The following ANKS3 variants were observed in gnomAD, a reference collection of about 807,000 sequenced individuals.
The protein encoded by ANKS3 is ankyrin repeat and sterile alpha motif domain containing 3, also known as ankyrin repeat and SAM domain-containing protein 3.
In ANKS3, 62 loss-of-function variants were observed where a neutral mutation model predicts 80.7. The observed-to-expected ratio is 0.77, with a 90% CI of 0.63 to 0.95. The LOEUF is 0.95. ANKS3 is among the 40% of genes least tolerant of loss of function. ANKS3 has a pLI of 0.00. For synonymous variants in ANKS3, 489 were observed against 355.3 expected (o/e 1.38, Z -4.23); for missense variants, 1,150 against 883.6 (o/e 1.30, Z -3.82).
intron 6 of ANKS3, among the ~76,000 whole-genome samples, chr16:4,723,849 CAAGACT>C (rs1177191997): frequency 1.3e-5 from 2 of 151,562 alleles, no homozygotes; most frequent in African/African-American, 4.9e-5. Context: ...CTCAGGAATT[CAAGACT>C]AGCCTGCACA....
chr16:4,709,636 G>C (rs2080382539), intron 7 of ANKS3, among the ~76,000 whole-genome samples: 1 of 152,130 alleles, frequency 6.6e-6, no homozygotes, highest in East Asian at 1.9e-4. Flanking sequence ...CAGACATAAA[G>C]AATGAAATCT....
chr16:4,705,002 ACATTTCAGGAGCCTAAGAGCTATTC>A, intron 8 of ANKS3, 68 bp downstream of exon 8: 2 of 1,514,340 alleles, frequency 1.3e-6, no homozygotes, highest in Non-Finnish European at 1.8e-6. Context: ...CCAGCGACCC[ACATTTCAGGAGCCTAAGAGCTATTC>A]CATTCTTGCC....
At chr16:4,699,341 A>G (rs371631249) in intron 11 of ANKS3, 165 bp from the exon 12 acceptor site, 1 of 912,990 alleles carries the variant, frequency 1.1e-6, no homozygotes, top group South Asian at 1.6e-5. Flanking sequence ...CAGGCAGGGC[A>G]GGATGTTGCA....
intron 5 of ANKS3, 71 bp from the exon 6 acceptor site, chr16:4,724,902 G>A: frequency 1.4e-6 from 2 of 1,407,040 alleles, no homozygotes; most frequent in South Asian, 2.4e-5. Context: ...CCCTGCTGAA[G>A]ATAAACCCTG....
At chr16:4,730,461 C>T (rs1323226370) in intron 2 of ANKS3, among the ~76,000 whole-genome samples, 1 of 152,186 alleles carries the variant, frequency 6.6e-6, no homozygotes, top group Non-Finnish European at 1.5e-5. Context: ...TCCACCAACT[C>T]TAGGAACCTG....
chr16:4,726,640 C>G lies in ANKS3; in HGVS notation c.491+19G>C. On this transcript the variant is annotated intron_variant, in intron 5 of 17. Transcript: ENST00000304283. ...GACACCTAGGCCACTCCTGTGGCCA[C>G]TAAAGATGTGGCAATCACCTCACGT... 3 of 1,612,008 alleles carry G rather than the reference C, an allele frequency of 1.9e-6. No individual in the cohort carries two copies. The highest frequency in any genetic ancestry group is 2.5e-6 in the Non-Finnish European group (3 of 1,178,436).
At chr16:4,730,220 C>T in intron 2 of ANKS3, 69 bp from the exon 3 acceptor site, 1 of 1,374,218 alleles carries the variant, frequency 7.3e-7, no homozygotes, top group South Asian at 1.7e-5. Context: ...CAGGCTGGTC[C>T]TGCCCCTGCT....
chr16:4,718,695 C>T (rs777582044), intron 6 of ANKS3, among the ~76,000 whole-genome samples: 1 of 152,208 alleles, frequency 6.6e-6, no homozygotes, highest in Non-Finnish European at 1.5e-5. Flanking sequence ...CCACCAGCAT[C>T]GCTGGCAGGC....
chr16:4,714,990 CAAAAAAAA>C lies in ANKS3; in HGVS notation c.574-812_574-805del, dbSNP rs753327026. On this transcript the variant is annotated intron_variant, in intron 6 of 17. Coordinates refer to ENST00000304283, the MANE Select transcript of ANKS3 (RefSeq NM_133450.4). ...CTGAAGACAGAGTGAGACTCTGTCTCAAAAAAAAAAAAAAAAAAAAAAAAAGGATGTTT... is the reference window on the plus strand; with the variant it reads ...CTGAAGACAGAGTGAGACTCTGTCTCAAAAAAAAAAAAAAAAAGGATGTTT... 3.3e-4 allele frequency among the ~76,000 whole-genome samples: 12 copies of C among 36,624 alleles called. No homozygotes were observed. The East Asian group carries it at 6.3e-3, about 19-fold the overall frequency. 24.0% of individuals were successfully genotyped at this position (36,624 alleles called of 152,430 possible).
At chr16:4,723,436 C>T (rs920654569) in intron 6 of ANKS3, among the ~76,000 whole-genome samples, 5 of 152,076 alleles carry the variant, frequency 3.3e-5, no homozygotes, top group African/African-American at 1.2e-4. Context: ...TTTTCTTTTT[C>T]TTTTTGAGGC....
chr16:4,729,893 C>T, intron 3 of ANKS3, 87 bp downstream of exon 3: 1 of 1,289,268 alleles, frequency 7.8e-7, no homozygotes, highest in Non-Finnish European at 1.0e-6. Context: ...TAAACATCCA[C>T]AACTGTGTGC....
At chr16:4,724,068 A>T (rs2081237963) in intron 6 of ANKS3, among the ~76,000 whole-genome samples, 1 of 152,206 alleles carries the variant, frequency 6.6e-6, no homozygotes, top group African/African-American at 2.4e-5. Context: ...TCAAAAAAAT[A>T]AATTAATAAA....
intron 3 of ANKS3, among the ~76,000 whole-genome samples, chr16:4,728,636 G>A (rs1317713217): frequency 6.6e-6 from 1 of 151,914 alleles, no homozygotes; most frequent in Non-Finnish European, 1.5e-5. Flanking sequence ...CTCCCCTCAG[G>A]CCCCATCCTG....
chr16:4,715,587 CCTTG>C (rs1239299358), intron 6 of ANKS3, among the ~76,000 whole-genome samples: 1 of 152,028 alleles, frequency 6.6e-6, no homozygotes, highest in African/African-American at 2.4e-5. Flanking sequence ...TAGAGCGAGA[CCTTG>C]TCTCAAAAAA....
chr16:4,714,773 C>T (rs973726370), intron 6 of ANKS3, among the ~76,000 whole-genome samples: 1 of 151,162 alleles, frequency 6.6e-6, no homozygotes, highest in African/African-American at 2.4e-5. Flanking sequence ...GTGGGCAGAT[C>T]ACGAGGTCAG....
At chr16:4,709,605 T>G (rs183841748) in intron 7 of ANKS3, among the ~76,000 whole-genome samples, 136 of 152,304 alleles carry the variant, frequency 8.9e-4, no homozygotes, top group African/African-American at 3.2e-3. Flanking sequence ...AATGAGTTTA[T>G]ATACACAATT....
intron 5 of ANKS3, among the ~76,000 whole-genome samples, chr16:4,726,167 G>A (rs1567440840): frequency 6.6e-6 from 1 of 151,638 alleles, no homozygotes; most frequent in Non-Finnish European, 1.5e-5. Context: ...TAGTAGAGAT[G>A]GGGTTTCACC....
intron 6 of ANKS3, among the ~76,000 whole-genome samples, chr16:4,716,051 A>C (rs2080776429): frequency 6.6e-6 from 1 of 151,970 alleles, no homozygotes; most frequent in African/African-American, 2.4e-5. Context: ...GGGTGCACAA[A>C]ACATCATTAA....
intron 7 of ANKS3, among the ~76,000 whole-genome samples, chr16:4,708,088 C>G (rs2080293505): frequency 6.6e-6 from 1 of 151,280 alleles, no homozygotes; most frequent in Admixed American, 6.6e-5. Context: ...GCACTCCAGC[C>G]TGGGTGACAG....
Sources: gnomAD v4.1 joint callset for allele counts (sites outside exome capture counted in the v4.1 genomes callset) on GRCh38, gnomAD v4.1.1 for gene constraint, MANE v1.5 for transcripts, NCBI Gene and HGNC (gene_info 2026-07-23, HGNC 2026-07-21) for gene names.